ANXA6: variants seen among roughly 807,000 people sequenced by gnomAD.
ANXA6 encodes 67 kDa calelectrin.
ANXA6 carries 71 observed loss-of-function variants against 95.4 expected under a neutral mutation model. The ratio of observed to expected loss-of-function variants is 0.74; its 90% CI spans 0.61 to 0.91. The LOEUF is 0.91. Among genes scored for constraint, ANXA6 ranks in the 40% least tolerant of loss-of-function variants. The pLI is 0.00. For missense variants in ANXA6, 830 were observed against 876.4 expected (o/e 0.95, Z 0.67); for synonymous variants, 289 against 315.9 (o/e 0.91, Z 0.90).
At position 151,100,777 on chromosome 5, in the gene ANXA6, AGGCAT is replaced by A. The variant is rs1731437071; in HGVS notation, c.*666_*670del. ...AAAAAGTGTCAAGGGAATGAATCGG[AGGCAT>A]ACTTTAGGAAGTTAATGTTAGAAGG... On this transcript the variant is annotated 3_prime_UTR_variant, in exon 26 of 26. Transcript: ENST00000354546. The A allele has an allele frequency of 4.6e-6, 2 of 433,088 alleles. No homozygotes were observed. Among genetic ancestry groups the A allele is most frequent in the Non-Finnish European group, 9.4e-6 (2 of 213,612 alleles). 26.8% of individuals were successfully genotyped at this position (433,088 alleles called of 1,614,324 possible).
At chr5:151,130,416 A>C (rs1369522726) in intron 11 of ANXA6, among the ~76,000 whole-genome samples, 1 of 151,926 alleles carries the variant, frequency 6.6e-6, no homozygotes, top group Admixed American at 6.6e-5. Flanking sequence ...GTCCCTGGCT[A>C]GTTCTATTTG....
intron 1 of ANXA6, among the ~76,000 whole-genome samples, chr5:151,156,756 C>T (rs1196008579): frequency 6.6e-6 from 1 of 152,178 alleles, no homozygotes; most frequent in African/African-American, 2.4e-5. Flanking sequence ...AGGGTTGTGC[C>T]AGGCTTCCCA....
intron 23 of ANXA6, 43 bp from the exon 24 acceptor site, chr5:151,105,346 C>T (rs1764667788): frequency 6.3e-7 from 1 of 1,594,572 alleles, no homozygotes; most frequent in Non-Finnish European, 8.6e-7. Context: ...TGGTCAGAGG[C>T]TGTGAACCCA....
In ANXA6 at chr5:151,129,522, C is replaced by T; in HGVS notation, c.803G>A (p.Gly268Glu). The stretch of plus-strand genomic sequence containing the variant: ...GCGGATCAGGGTGTTGTCCCGAGTC[C>T]CCAGGCCCTGCAAGACAAGTGGGTT... ...ERLFKAMKGL[G>E]TRDNTLIRIM... Residue 268 changes from glycine (G) to glutamate (E), a missense_variant, in exon 12 of 26, where the codon GGG becomes GAG. Physicochemically the swap from Gly to Glu is moderately conservative, Grantham distance 98 (BLOSUM62 -2). Transcript: ENST00000354546. The T allele has an allele frequency of 6.2e-7, 1 of 1,603,076 alleles. No homozygotes were observed. Among genetic ancestry groups the T allele is most frequent in the Non-Finnish European group, 8.5e-7 (1 of 1,174,888 alleles).
chr5:151,136,263 A>G lies in ANXA6; in HGVS notation c.482T>C (p.Leu161Pro). The change falls in exon 7 of 26, where the codon CTG becomes CCG. Residue 161 changes from leucine (L) to proline (P), a missense_variant. Leu to Pro is a moderately conservative substitution (Grantham distance 98). Coordinates refer to ENST00000354546, the MANE Select transcript of ANXA6 (RefSeq NM_001155.5). ...AATAGGCTGTGAACCAACCTGGAGC[A>G]GGACCACAAGCATCTTCTGGAAGTG... ...SGHFQKMLVV[L>P]LQGTREEDDV... 1 of 1,613,990 alleles carries G rather than the reference A, an allele frequency of 6.2e-7. No individual in the cohort carries two copies. Among genetic ancestry groups the G allele is most frequent in the Non-Finnish European group, 8.5e-7 (1 of 1,179,868 alleles).
At chr5:151,138,918 C>G (rs147234256) in intron 4 of ANXA6, 127 bp from the exon 5 acceptor site, 5 of 706,400 alleles carry the variant, frequency 7.1e-6, no homozygotes, top group African/African-American at 3.5e-5. Context: ...AAATCATCAC[C>G]CTTGGAGGTA....
chr5:151,151,635 T>C (rs1766107771), intron 1 of ANXA6, among the ~76,000 whole-genome samples: 1 of 152,182 alleles, frequency 6.6e-6, no homozygotes, highest in Non-Finnish European at 1.5e-5. Flanking sequence ...GGACAATACA[T>C]CACTCCCTCT....
intron 1 of ANXA6, chr5:151,154,800 C>T (rs1766194538): frequency 6.6e-6 from 1 of 152,220 alleles, no homozygotes. Flanking sequence ...TGGAACTAGT[C>T]TAGCCTAGGT....
intron 20 of ANXA6, among the ~76,000 whole-genome samples, chr5:151,114,613 TAAAAAAAA>T (rs61407672): frequency 0.57 from 39,618 of 69,988 alleles, 10,099 homozygotes; most frequent in East Asian, 0.67. Context: ...GACTCCGTCT[TAAAAAAAA>T]AAAAAAAAAA....
At chr5:151,141,602 C>T in intron 2 of ANXA6, 1 of 985,512 alleles carries the variant, frequency 1.0e-6, no homozygotes, top group African/African-American at 1.7e-5. Flanking sequence ...TCCGTGCCTC[C>T]CAACGTCTGC....
In ANXA6 at chr5:151,109,844, T is replaced by C; in HGVS notation, c.1593A>G (p.Glu531=). 1 of 1,599,172 alleles carries C rather than the reference T, an allele frequency of 6.3e-7. No individual in the cohort carries two copies. The highest frequency in any genetic ancestry group is 8.5e-7 in the Non-Finnish European group (1 of 1,171,006). Residue 531 remains glutamate (E), a splice_region_variant and synonymous_variant, in exon 22 of 26, where the codon GAA becomes GAG. Coordinates refer to ENST00000354546, the MANE Select transcript of ANXA6 (RefSeq NM_001155.5). ...TGTCTCCACTAGGTGTGTCTGCTAT[T>C]TCCTGCAGAGCCCCAGTTGGAGCAA... is the stretch of plus-strand genomic sequence containing the variant. ...EDAQVAAEIL[E]IADTPSGDKT...
intron 11 of ANXA6, among the ~76,000 whole-genome samples, chr5:151,130,802 G>A (rs568298531): frequency 3.3e-5 from 5 of 152,268 alleles, no homozygotes; most frequent in South Asian, 2.1e-4. Flanking sequence ...TTCTTTGTGC[G>A]TCATATGTGT....
At position 151,154,928 on chromosome 5, in the gene ANXA6, G is replaced by T. The variant is rs981591819; in HGVS notation, c.-26+2752C>A. ...GAGGGTGATATTTAGTAGCTGTGTG[G>T]TGTTGTGCAAGTATTGAGCCTCTCT... On this transcript the variant is annotated intron_variant, in intron 1 of 25. Coordinates refer to ENST00000354546, the MANE Select transcript of ANXA6 (RefSeq NM_001155.5). 4 of 151,488 alleles carry T rather than the reference G, an allele frequency of 2.6e-5. No homozygotes were observed. The East Asian group carries it at 7.7e-4, about 29-fold the overall frequency. 9.4% of individuals were successfully genotyped at this position (151,488 alleles called of 1,614,324 possible).
At chr5:151,131,412 G>A (rs952337571) in intron 10 of ANXA6, 123 bp from the exon 11 acceptor site, 15 of 963,424 alleles carry the variant, frequency 1.6e-5, no homozygotes, top group Middle Eastern at 4.7e-4. Context: ...AAGAACCACC[G>A]TTCCTGATAG....
intron 4 of ANXA6, 175 bp downstream of exon 4, chr5:151,139,178 G>T (rs1765754366): frequency 3.3e-6 from 2 of 599,354 alleles, no homozygotes; most frequent in East Asian, 5.6e-5. Flanking sequence ...AGGTGCTGTG[G>T]GTGTATTAAA....
intron 6 of ANXA6, among the ~76,000 whole-genome samples, chr5:151,136,991 T>G (rs931394072): frequency 6.6e-6 from 1 of 152,244 alleles, no homozygotes; most frequent in Non-Finnish European, 1.5e-5. Flanking sequence ...ATTGTGTGTC[T>G]CCTTCATTAT....
intron 20 of ANXA6, among the ~76,000 whole-genome samples, chr5:151,116,241 A>G (rs1451774354): frequency 1.3e-5 from 2 of 152,212 alleles, no homozygotes; most frequent in African/African-American, 4.8e-5. Flanking sequence ...CTCACCAACT[A>G]TAAAAGAAGG....
chr5:151,150,114 A>G (rs1274824880), intron 1 of ANXA6, among the ~76,000 whole-genome samples: 1 of 149,970 alleles, frequency 6.7e-6, no homozygotes, highest in East Asian at 2.0e-4. Flanking sequence ...TGAGACTCTG[A>G]CTCAAAAAAA....
At chr5:151,122,557 T>C (rs1308681422) in intron 16 of ANXA6, among the ~76,000 whole-genome samples, 1 of 152,150 alleles carries the variant, frequency 6.6e-6, no homozygotes, top group African/African-American at 2.4e-5. Context: ...ATGCCACCAA[T>C]GTGCAATAAT....
Sources: gnomAD v4.1 joint callset for allele counts (sites outside exome capture counted in the v4.1 genomes callset) on GRCh38, gnomAD v4.1.1 for gene constraint, MANE v1.5 for transcripts, NCBI Gene and HGNC (gene_info 2026-07-23, HGNC 2026-07-21) for gene names.